SV2C: variants seen among roughly 807,000 people sequenced by gnomAD.
The protein encoded by SV2C is synaptic vesicle glycoprotein 2C.
SV2C carries 49 observed loss-of-function variants against 79.7 expected under a neutral mutation model. The ratio of observed to expected loss-of-function variants is 0.61; its 90% CI spans 0.49 to 0.78. SV2C has a LOEUF of 0.78. Among genes scored for constraint, SV2C ranks in the 30% least tolerant of loss-of-function variants. SV2C has a pLI of 0.00. For synonymous variants in SV2C, 334 were observed against 333.2 expected (o/e 1.00, Z -0.03); for missense variants, 833 against 912.9 (o/e 0.91, Z 1.13).
chr5:75,855,094 T>C, the SV2C span, among the ~76,000 whole-genome samples: 28 of 152,178 alleles, frequency 1.8e-4, no homozygotes, highest in African/African-American at 6.5e-4. Context: ...AAACATGGAC[T>C]ATTCTATATC....
chr5:76,138,296 C>T (rs1212577408), intron 2 of SV2C, among the ~76,000 whole-genome samples: 2 of 152,146 alleles, frequency 1.3e-5, no homozygotes, highest in Non-Finnish European at 2.9e-5. Context: ...CTTTCCAGTT[C>T]CCTCACGTTT....
chr5:76,322,787 A>G (rs937532354), intron 12 of SV2C, among the ~76,000 whole-genome samples: 2 of 152,226 alleles, frequency 1.3e-5, no homozygotes, highest in African/African-American at 4.8e-5. Context: ...GAGATGGGGA[A>G]AAGATCTCCT....
intron 1 of SV2C, among the ~76,000 whole-genome samples, chr5:76,085,576 G>T (rs1202208269): frequency 6.6e-6 from 1 of 152,038 alleles, no homozygotes; most frequent in Admixed American, 6.5e-5. Flanking sequence ...AGGAAGAAAA[G>T]CAATTATCAA....
chr5:76,350,736 C>T (rs1207948130), intron 12 of SV2C, among the ~76,000 whole-genome samples: 1 of 152,184 alleles, frequency 6.6e-6, no homozygotes, highest in Non-Finnish European at 1.5e-5. Flanking sequence ...GTAAGATGGG[C>T]TGGGCATGGT....
intron 2 of SV2C, among the ~76,000 whole-genome samples, chr5:76,152,882 C>T (rs534827926): frequency 6.6e-6 from 1 of 152,336 alleles, no homozygotes; most frequent in South Asian, 2.1e-4. Context: ...GCTGGTACTG[C>T]ACATCACATG....
At chr5:76,282,702 C>T (rs1385909100) in intron 4 of SV2C, among the ~76,000 whole-genome samples, 1 of 152,146 alleles carries the variant, frequency 6.6e-6, no homozygotes, top group Non-Finnish European at 1.5e-5. Context: ...TTTTCCTCCA[C>T]AATTGATTAG....
the SV2C span, among the ~76,000 whole-genome samples, chr5:75,943,397 C>T: frequency 6.6e-6 from 1 of 152,134 alleles, no homozygotes; most frequent in Non-Finnish European, 1.5e-5. Flanking sequence ...GCCATGAAGA[C>T]ATGTCTTTTC....
the SV2C span, among the ~76,000 whole-genome samples, chr5:75,993,021 A>G: frequency 6.6e-6 from 1 of 152,066 alleles, no homozygotes; most frequent in African/African-American, 2.4e-5. Flanking sequence ...AAAGAGTATG[A>G]TGAAATCATA....
chr5:76,230,666 G>C lies in SV2C; in HGVS notation c.913+20779G>C, dbSNP rs568150083. On this transcript the variant is annotated intron_variant, in intron 4 of 12. Transcript: ENST00000502798. ...TATCTGGGCGTGATGGCGGGCACCTGTAATCCCAGCTACTTGGGAGGCTGA... is the reference window on the plus strand; with the variant it reads ...TATCTGGGCGTGATGGCGGGCACCTCTAATCCCAGCTACTTGGGAGGCTGA... Among the ~76,000 whole-genome samples, 15 of 152,254 alleles carry C rather than the reference G, an allele frequency of 9.9e-5. No individual in the cohort carries two copies. The South Asian group carries it at 2.9e-3, about 29-fold the overall frequency.
chr5:76,347,071 GA>G (rs1224475605), intron 12 of SV2C, among the ~76,000 whole-genome samples: 1 of 152,110 alleles, frequency 6.6e-6, no homozygotes. Flanking sequence ...AAAGAGGGGG[GA>G]AAAACAGAAG....
the SV2C span, among the ~76,000 whole-genome samples, chr5:75,947,028 C>T: frequency 6.6e-6 from 1 of 152,066 alleles, no homozygotes; most frequent in Non-Finnish European, 1.5e-5. Context: ...GTGACCATGC[C>T]TTCACGTCTG....
the SV2C span, among the ~76,000 whole-genome samples, chr5:76,070,764 A>G: frequency 6.6e-6 from 1 of 152,198 alleles, no homozygotes; most frequent in Admixed American, 6.5e-5. Flanking sequence ...GCATTCTGAG[A>G]AGTGATGATC....
chr5:76,337,089 T>C (rs1381469336), downstream of SV2C, among the ~76,000 whole-genome samples: 1 of 152,116 alleles, frequency 6.6e-6, no homozygotes, highest in Non-Finnish European at 1.5e-5. Flanking sequence ...TCTGTATTGT[T>C]TGCTAGGGCT....
intron 8 of SV2C, among the ~76,000 whole-genome samples, chr5:76,294,219 G>A (rs1011481058): frequency 6.6e-6 from 1 of 151,780 alleles, no homozygotes; most frequent in African/African-American, 2.4e-5. Flanking sequence ...CAGATTTTCT[G>A]GTAGCCATAC....
At chr5:76,239,630 G>A (rs559675656) in intron 4 of SV2C, among the ~76,000 whole-genome samples, 110 of 152,280 alleles carry the variant, frequency 7.2e-4, no homozygotes, top group African/African-American at 2.5e-3. Flanking sequence ...TGGCAAGTTG[G>A]TTCATCTCCA....
intron 1 of SV2C, among the ~76,000 whole-genome samples, chr5:76,104,737 G>T (rs1747853350): frequency 1.3e-5 from 2 of 152,154 alleles, no homozygotes; most frequent in African/African-American, 4.8e-5. Context: ...CTCCATGGTA[G>T]GCTCTGCCAA....
the SV2C span, among the ~76,000 whole-genome samples, chr5:75,916,516 T>C: frequency 6.6e-6 from 1 of 151,928 alleles, no homozygotes; most frequent in Non-Finnish European, 1.5e-5. Flanking sequence ...ACTCTGTTGC[T>C]CAGTCTGGAG....
At chr5:75,945,831 A>G in the SV2C span, among the ~76,000 whole-genome samples, 2 of 152,114 alleles carry the variant, frequency 1.3e-5, no homozygotes, top group African/African-American at 4.8e-5. Context: ...TGAATAATTA[A>G]TGGGTCAAAA....
the SV2C span, chr5:75,920,671 C>A: frequency 4.3e-6 from 3 of 693,844 alleles, no homozygotes; most frequent in Non-Finnish European, 7.9e-6. Context: ...TGCCCTCACT[C>A]CTGCAGCTCC....
Sources: allele counts gnomAD v4.1 joint callset (sites outside exome capture counted in the v4.1 genomes callset), GRCh38; gene constraint gnomAD v4.1.1; transcripts MANE v1.5; gene names NCBI Gene and HGNC (gene_info 2026-07-23, HGNC 2026-07-21).